DST: variants seen among roughly 807,000 people sequenced by gnomAD.
DST encodes the protein dystonin.
DST carries 253 observed loss-of-function variants against 875.2 expected under a neutral mutation model. The observed-to-expected ratio is 0.29, with a 90% confidence interval of 0.26 to 0.32. The LOEUF is 0.32. DST is among the 10% of genes least tolerant of loss of function. The pLI is 1.00. For missense variants in DST, 8,287 were observed against 9,111.6 expected (o/e 0.91, Z 3.68); for synonymous variants, 3,124 against 3,197.1 (o/e 0.98, Z 0.77).
chr6:56,611,269 C>G (rs1322761569), intron 38 of DST, among the ~76,000 whole-genome samples: 1 of 152,178 alleles, frequency 6.6e-6, no homozygotes, highest in Non-Finnish European at 1.5e-5. Context: ...TCTTACCTCT[C>G]TGAGCCTGTT....
At chr6:56,460,550 A>C (rs2094276238) in intron 102 of DST, 1 of 247,896 alleles carries the variant, frequency 4.0e-6, no homozygotes, top group African/African-American at 2.2e-5. Context: ...AGGAGAAATA[A>C]ATGGTGAGTA....
chr6:56,738,408 C>T (rs2099534318), intron 4 of DST, among the ~76,000 whole-genome samples: 1 of 152,200 alleles, frequency 6.6e-6, no homozygotes, highest in South Asian at 2.1e-4. Flanking sequence ...ACAACCTCCG[C>T]CTCCCAGGTG....
chr6:56,730,903 T>A (rs1460210608), intron 5 of DST, among the ~76,000 whole-genome samples: 1 of 152,138 alleles, frequency 6.6e-6, no homozygotes, highest in Non-Finnish European at 1.5e-5. Flanking sequence ...TTTAAATACA[T>A]CTGGAAAAAA....
chr6:56,487,963 T>TAG (rs2095618692), intron 86 of DST, among the ~76,000 whole-genome samples: 1 of 152,186 alleles, frequency 6.6e-6, no homozygotes, highest in Non-Finnish European at 1.5e-5. Context: ...TAAAATAATC[T>TAG]CAAGGTTATA....
intron 4 of DST, among the ~76,000 whole-genome samples, chr6:56,819,848 T>C (rs748974328): frequency 6.6e-6 from 1 of 152,212 alleles, no homozygotes; most frequent in Non-Finnish European, 1.5e-5. Context: ...TGTGGTCTGT[T>C]TTCCTACTGA....
intron 93 of DST, among the ~76,000 whole-genome samples, chr6:56,473,383 T>C (rs1334914596): frequency 1.3e-5 from 2 of 152,222 alleles, no homozygotes. Context: ...ACTATGATTG[T>C]TTTCAATGTC....
chr6:56,460,289 T>C (rs753412060), intron 102 of DST, 35 bp from the exon 103 acceptor site: 6 of 1,613,080 alleles, frequency 3.7e-6, no homozygotes, highest in Middle Eastern at 3.3e-4. Flanking sequence ...TTTCAAAATA[T>C]TGCTCCTGTA....
chr6:56,572,025 T>A lies in DST; in HGVS notation c.13721+75A>T, dbSNP rs1238609341. 1.3e-5 allele frequency: 10 copies of A among 799,256 alleles called. No individual in the cohort carries two copies. The African/African-American group carries it at 1.3e-4, about 10-fold the overall frequency. 49.5% of individuals were successfully genotyped at this position (799,256 alleles called of 1,614,324 possible). A position where few individuals can be genotyped will look rare whatever the true frequency, so the allele number is the denominator to read the frequency against. ...AGTTTTCAAAATTGTTTCAGTTATC[T>A]ATATAAGTAAATACAAGTATCTCAC... On this transcript the variant is annotated intron_variant, in intron 53 of 103. Coordinates refer to ENST00000680361, the MANE Select transcript of DST (RefSeq NM_001374736.1).
At chr6:56,851,323 C>A in intron 4 of DST, 74 bp downstream of exon 4, 2 of 1,382,298 alleles carry the variant, frequency 1.4e-6, no homozygotes, top group Non-Finnish European at 1.0e-6. Context: ...CCCGCTATGG[C>A]CCCCCAGGAG....
chr6:56,530,781 G>A (rs1178219156), intron 64 of DST, among the ~76,000 whole-genome samples: 1 of 152,144 alleles, frequency 6.6e-6, no homozygotes, highest in Non-Finnish European at 1.5e-5. Context: ...TTCCTCAGTT[G>A]CAGAGGACTA....
intron 5 of DST, 172 bp downstream of exon 5, chr6:56,735,056 C>T: frequency 1.7e-6 from 1 of 587,642 alleles, no homozygotes; most frequent in Admixed American, 3.1e-5. Context: ...TCATTACCCA[C>T]CGTCCACACA....
At chr6:56,745,696 T>C (rs2099570242) in intron 4 of DST, among the ~76,000 whole-genome samples, 1 of 152,190 alleles carries the variant, frequency 6.6e-6, no homozygotes, top group Non-Finnish European at 1.5e-5. Context: ...CTGCTATATA[T>C]GTAAAATATA....
intron 4 of DST, among the ~76,000 whole-genome samples, chr6:56,785,233 C>T (rs573091074): frequency 6.6e-6 from 1 of 152,342 alleles, no homozygotes; most frequent in Admixed American, 6.5e-5. Context: ...AGAACCACTG[C>T]TCTCCTCAAA....
chr6:56,503,910 A>T, intron 78 of DST, 87 bp downstream of exon 78: 1 of 852,530 alleles, frequency 1.2e-6, no homozygotes, highest in Non-Finnish European at 1.8e-6. Flanking sequence ...TACTTACATT[A>T]GGTAAAATAA....
At chr6:56,904,181 G>T (rs1462959154) in intron 2 of DST, among the ~76,000 whole-genome samples, 1 of 152,182 alleles carries the variant, frequency 6.6e-6, no homozygotes, top group South Asian at 2.1e-4. Context: ...ACACAATAGT[G>T]TATTATTCAT....
chr6:56,758,085 G>A (rs2099608489), intron 4 of DST, among the ~76,000 whole-genome samples: 1 of 152,142 alleles, frequency 6.6e-6, no homozygotes, highest in African/African-American at 2.4e-5. Context: ...AATCAAGCGC[G>A]TACAACTGTA....
chr6:56,794,769 C>A (rs1414463942), intron 4 of DST, among the ~76,000 whole-genome samples: 2 of 152,146 alleles, frequency 1.3e-5, no homozygotes, highest in African/African-American at 4.8e-5. Context: ...ATTAAGCATG[C>A]CTTCACATCC....
At chr6:56,627,357 T>C in intron 33 of DST, 70 bp from the exon 34 acceptor site, 1 of 1,035,482 alleles carries the variant, frequency 9.7e-7, no homozygotes, top group Non-Finnish European at 1.5e-6. Context: ...AGATGCTCAG[T>C]AACTAAGACA....
chr6:56,592,272 G>A lies in DST; in HGVS notation c.12813C>T (p.Leu4271=). 6.2e-7 allele frequency: 1 copy of A among 1,612,636 alleles called. No individual in the cohort carries two copies. Residue 4271 remains leucine (L), a synonymous_variant, in exon 49 of 104, where the codon CTC becomes CTT. Coordinates refer to ENST00000680361, the MANE Select transcript of DST (RefSeq NM_001374736.1). ...EDASCGLLAG[L]QACEATASKH... Reference sequence around the variant, plus strand: ...TGCTCGCTGTGGCCTCACAGGCCTGGAGTCCAGCAAGAAGTCCACATGAAG... The same window carrying A: ...TGCTCGCTGTGGCCTCACAGGCCTGAAGTCCAGCAAGAAGTCCACATGAAG...
Sources: gnomAD v4.1 joint callset for allele counts (sites outside exome capture counted in the v4.1 genomes callset) on GRCh38, gnomAD v4.1.1 for gene constraint, MANE v1.5 for transcripts, NCBI Gene and HGNC (gene_info 2026-07-23, HGNC 2026-07-21) for gene names.